Variants in INPP4B observed in about 807,000 individuals in gnomAD.
INPP4B encodes the protein inositol polyphosphate-4-phosphatase type II B.
In INPP4B, 55 loss-of-function variants were observed where a neutral mutation model predicts 122.5. The observed-to-expected ratio is 0.45, with a 90% CI of 0.36 to 0.56. The LOEUF is 0.56. Ranked by LOEUF, INPP4B falls within the 20% of genes least tolerant of loss-of-function variation. The probability of loss-of-function intolerance (pLI) is 0.00; values close to 1 mark genes in which losing one functional copy is unlikely to be tolerated. For missense variants in INPP4B, 1,000 were observed against 1,097.7 expected (o/e 0.91, Z 1.26); for synonymous variants, 403 against 388.7 (o/e 1.04, Z -0.43).
chr4:142,110,841 G>A (rs573337078), intron 22 of INPP4B, among the ~76,000 whole-genome samples: 3 of 152,182 alleles, frequency 2.0e-5, no homozygotes, highest in East Asian at 3.9e-4. Flanking sequence ...CATCTTAGAA[G>A]CCTTGAAAAT....
chr4:142,252,082 G>T (rs771980069), intron 11 of INPP4B, among the ~76,000 whole-genome samples: 3 of 152,006 alleles, frequency 2.0e-5, no homozygotes, highest in African/African-American at 4.8e-5. Flanking sequence ...TTCCTCATTT[G>T]TGAAATATGG....
At chr4:142,370,828 GAAC>G (rs1789624598) in intron 7 of INPP4B, among the ~76,000 whole-genome samples, 2 of 151,866 alleles carry the variant, frequency 1.3e-5, no homozygotes, top group African/African-American at 2.4e-5. Context: ...TCATGGATCA[GAAC>G]AATATTGTTA....
chr4:142,563,943 A>G (rs2150130880), intron 2 of INPP4B, among the ~76,000 whole-genome samples: 1 of 152,264 alleles, frequency 6.6e-6, no homozygotes, highest in South Asian at 2.1e-4. Flanking sequence ...GGGTTAGTCC[A>G]ATTGTATCAA....
At chr4:142,794,186 A>G (rs1776922662) in intron 1 of INPP4B, among the ~76,000 whole-genome samples, 1 of 152,090 alleles carries the variant, frequency 6.6e-6, no homozygotes, top group Non-Finnish European at 1.5e-5. Context: ...ACATTACTAA[A>G]GAAAAACAAG....
At chr4:142,340,408 T>C (rs201103886) in intron 7 of INPP4B, among the ~76,000 whole-genome samples, 22 of 61,616 alleles carry the variant, frequency 3.6e-4, no homozygotes, top group Admixed American at 1.3e-3. Flanking sequence ...TTTCTTTTTT[T>C]TCTCTTTAAA....
chr4:142,674,659 A>AATT lies in INPP4B; in HGVS notation c.-191+51177_-191+51179dup, dbSNP rs749183548. Reference sequence around the variant, plus strand: ...TCCTCAGCAAGTGCAAAAGAATGGAAATTATAACAGTCTCTCAGAATGGAG... The same window carrying AATT: ...TCCTCAGCAAGTGCAAAAGAATGGAAATTATTATAACAGTCTCTCAGAATGGAG... On this transcript the variant is annotated intron_variant, in intron 2 of 25. Transcript: ENST00000262992. Among the ~76,000 whole-genome samples, 3 of 152,290 alleles carry AATT rather than the reference A, an allele frequency of 2.0e-5. No individual in the cohort carries two copies. In the East Asian group the frequency reaches 5.8e-4, roughly 29 times the overall value.
chr4:142,839,732 G>A (rs531092116), intron 1 of INPP4B, among the ~76,000 whole-genome samples: 1 of 152,298 alleles, frequency 6.6e-6, no homozygotes, highest in Admixed American at 6.5e-5. Context: ...GCCACAATTT[G>A]ACAATTATTG....
intron 12 of INPP4B, among the ~76,000 whole-genome samples, chr4:142,210,407 A>C (rs1192729228): frequency 1.3e-5 from 2 of 152,182 alleles, no homozygotes; most frequent in Non-Finnish European, 2.9e-5. Flanking sequence ...TTCATGATGA[A>C]ACACTCATGG....
At chr4:142,702,108 G>A (rs1761860370) in intron 2 of INPP4B, among the ~76,000 whole-genome samples, 1 of 151,890 alleles carries the variant, frequency 6.6e-6, no homozygotes, top group African/African-American at 2.4e-5. Flanking sequence ...AGGTTTTCCT[G>A]GCTTGTAACC....
At chr4:142,630,752 G>T (rs1017373477) in intron 2 of INPP4B, among the ~76,000 whole-genome samples, 5 of 152,120 alleles carry the variant, frequency 3.3e-5, no homozygotes, top group Non-Finnish European at 5.9e-5. Context: ...TAGCCTCACA[G>T]CACTAGGAAA....
At chr4:142,295,148 A>T (rs567576634) in intron 9 of INPP4B, among the ~76,000 whole-genome samples, 1 of 152,310 alleles carries the variant, frequency 6.6e-6, no homozygotes, top group East Asian at 1.9e-4. Context: ...AGCTAAGTTC[A>T]GTTTGGGGTA....
chr4:142,206,353 CTCT>C (rs796683784), intron 14 of INPP4B, among the ~76,000 whole-genome samples: 3,945 of 81,690 alleles, frequency 0.048, 146 homozygotes, highest in African/African-American at 0.14. Flanking sequence ...CTCTCTCTCT[CTCT>C]TTTTTTTTTT....
intron 25 of INPP4B, among the ~76,000 whole-genome samples, chr4:142,064,897 A>G (rs336377): frequency 0.88 from 133,974 of 152,106 alleles, 60,854 homozygotes; most frequent in Non-Finnish European, 0.98. Flanking sequence ...ATAATGGCAC[A>G]ATTTTCTCAA....
Position 142,173,624 on chromosome 4 carries a change from G to T in INPP4B, c.1359+8C>A. 1 of 1,608,986 alleles carries T rather than the reference G, an allele frequency of 6.2e-7. No individual in the cohort carries two copies. ...TTTTCCCAACTATAGTGATGATTTGGATCTTACTTTTTCTGAAAGCATCTT... is the reference window on the plus strand; with the variant it reads ...TTTTCCCAACTATAGTGATGATTTGTATCTTACTTTTTCTGAAAGCATCTT... On this transcript the variant is annotated splice_region_variant and intron_variant, in intron 16 of 25. Transcript: ENST00000262992.
At chr4:142,314,477 C>T (rs1266731143) in intron 8 of INPP4B, among the ~76,000 whole-genome samples, 1 of 152,138 alleles carries the variant, frequency 6.6e-6, no homozygotes, top group Non-Finnish European at 1.5e-5. Context: ...AGTCTAGGCT[C>T]ATCTCTAGCC....
chr4:142,165,410 A>G (rs553238064), intron 16 of INPP4B, among the ~76,000 whole-genome samples: 1 of 151,832 alleles, frequency 6.6e-6, no homozygotes, highest in South Asian at 2.1e-4. Context: ...GATACTTTCC[A>G]CAGTCTCTTT....
At chr4:142,192,581 T>C (rs1450841983) in intron 15 of INPP4B, among the ~76,000 whole-genome samples, 1 of 152,066 alleles carries the variant, frequency 6.6e-6, no homozygotes, top group East Asian at 1.9e-4. Flanking sequence ...TATATCAAAA[T>C]TATAAATAAT....
intron 11 of INPP4B, among the ~76,000 whole-genome samples, chr4:142,243,319 TTCTATTCA>T (rs151313915): frequency 0.029 from 4,450 of 152,278 alleles, 196 homozygotes; most frequent in African/African-American, 0.1. Context: ...TAAGAGATGG[TTCTATTCA>T]TCATTAGATA....
At chr4:142,673,379 A>G (rs1757270049) in intron 2 of INPP4B, among the ~76,000 whole-genome samples, 1 of 151,860 alleles carries the variant, frequency 6.6e-6, no homozygotes, top group Non-Finnish European at 1.5e-5. Flanking sequence ...GAGTGTTGCT[A>G]GTCACTCTTG....
Sources: allele counts gnomAD v4.1 joint callset (sites outside exome capture counted in the v4.1 genomes callset), GRCh38; gene constraint gnomAD v4.1.1; transcripts MANE v1.5; gene names NCBI Gene and HGNC (gene_info 2026-07-23, HGNC 2026-07-21).